Variants in TBCD observed in about 807,000 individuals in gnomAD.
TBCD encodes tubulin folding cofactor D, also known as tubulin-specific chaperone D.
Under a neutral mutation model 169.3 loss-of-function variants are expected in TBCD, and 105 were observed. The observed-to-expected ratio is 0.62, with a 90% CI of 0.53 to 0.73. The LOEUF (loss-of-function observed/expected upper bound fraction) is 0.73, where lower values mean the gene tolerates loss of function less well. Ranked by LOEUF, TBCD falls within the 30% of genes least tolerant of loss-of-function variation. The pLI, the probability that TBCD is intolerant of heterozygous loss-of-function variation, is 0.00. For missense variants in TBCD, 1,444 were observed against 1,600.1 expected (o/e 0.90, Z 1.66); for synonymous variants, 700 against 643.9 (o/e 1.09, Z -1.32).
chr17:82,807,751 C>T, intron 11 of TBCD, 83 bp downstream of exon 11: 1 of 1,154,082 alleles, frequency 8.7e-7, no homozygotes, highest in Non-Finnish European at 1.1e-6. Flanking sequence ...TACCCAACAG[C>T]TTTGGAGTGG....
At chr17:82,766,411 C>T (rs773304733) in intron 4 of TBCD, 43 bp downstream of exon 4, 1 of 1,467,310 alleles carries the variant, frequency 6.8e-7, no homozygotes. Flanking sequence ...CCCTCCGTGC[C>T]TGTCCTTCCT....
Position 82,930,341 on chromosome 17 carries a change from G to A in TBCD, c.2992-181G>A. On this transcript the variant is annotated intron_variant, in intron 32 of 38. Coordinates refer to ENST00000355528, the MANE Select transcript of TBCD (RefSeq NM_005993.5). This position sits in a 1 kb window ranked among gnomAD's most constrained non-coding sequence, Gnocchi z 5.2. Reference sequence around the variant, plus strand: ...GCCGAGAGCCTTGTGTCTGCTTCGGGTGTCTGCACTGTGAGTGGCTCCGTG... The same window carrying A: ...GCCGAGAGCCTTGTGTCTGCTTCGGATGTCTGCACTGTGAGTGGCTCCGTG... 1.3e-6 allele frequency: 1 copy of A among 784,466 alleles called. No individual in the cohort carries two copies. The allele number at this position is 784,466 out of a possible 1,614,324, so 48.6% of individuals were successfully genotyped here.
intron 16 of TBCD, among the ~76,000 whole-genome samples, chr17:82,892,296 C>T (rs1250892983): frequency 1.3e-5 from 2 of 152,072 alleles, no homozygotes; most frequent in Admixed American, 6.5e-5. Context: ...CCCCAGTGGG[C>T]GACATCCCAG....
At chr17:82,873,431 G>A (rs1435088470) in intron 14 of TBCD, among the ~76,000 whole-genome samples, 3 of 152,118 alleles carry the variant, frequency 2.0e-5, no homozygotes, top group African/African-American at 7.2e-5. Flanking sequence ...TCTGTTTTGG[G>A]GGAAAGCTGA....
chr17:82,796,235 T>C (rs2050099523), intron 7 of TBCD: 1 of 152,254 alleles, frequency 6.6e-6, no homozygotes, highest in African/African-American at 2.4e-5. Context: ...AGCTCGCCTG[T>C]GCCCCACGGT....
At chr17:82,776,144 A>G (rs1013368733) in intron 6 of TBCD, among the ~76,000 whole-genome samples, 2 of 152,192 alleles carry the variant, frequency 1.3e-5, no homozygotes, top group Non-Finnish European at 2.9e-5. Flanking sequence ...GCTTGAGCCC[A>G]GGAGGCAGAG....
chr17:82,797,853 A>G (rs2050210054), intron 8 of TBCD, 51 bp downstream of exon 8: 1 of 1,405,510 alleles, frequency 7.1e-7, no homozygotes, highest in Non-Finnish European at 9.7e-7. Flanking sequence ...GTTTGCTCAT[A>G]TACAATCAAG....
At chr17:82,936,871 G>C (rs1351796316) in intron 34 of TBCD, among the ~76,000 whole-genome samples, 1 of 152,242 alleles carries the variant, frequency 6.6e-6, no homozygotes, top group Non-Finnish European at 1.5e-5. Context: ...TGTGTCCTCT[G>C]TGTGTCGGCA....
Position 82,915,546 on chromosome 17 carries a change from G to A in TBCD, c.2038+3757G>A, listed in dbSNP as rs971541782. Among the ~76,000 whole-genome samples, 1 of 152,194 alleles carries A rather than the reference G, an allele frequency of 6.6e-6. No individual in the cohort carries two copies. The highest frequency in any genetic ancestry group is 2.4e-5 in the African/African-American group (1 of 41,442). On this transcript the variant is annotated intron_variant, in intron 23 of 38. Transcript: ENST00000355528. The surrounding 1 kb of genome is among the most constrained non-coding windows in gnomAD (Gnocchi z 4.3). ...CTTTAGAATCAAAGGAAAGAAACAG[G>A]AACTCTGTTTAGTGAAGCAGCGATG... is the stretch of plus-strand genomic sequence containing the variant.
chr17:82,828,160 C>A (rs1447684138), intron 13 of TBCD, among the ~76,000 whole-genome samples: 2 of 145,496 alleles, frequency 1.4e-5, no homozygotes, highest in Non-Finnish European at 3.0e-5. Context: ...CACAGACACA[C>A]ATGCACACCC....
intron 4 of TBCD, 69 bp from the exon 5 acceptor site, chr17:82,768,351 G>C: frequency 6.3e-7 from 1 of 1,587,874 alleles, no homozygotes; most frequent in Non-Finnish European, 8.6e-7. Flanking sequence ...CAGTGACTTT[G>C]AGTAGATTGT....
intron 13 of TBCD, among the ~76,000 whole-genome samples, chr17:82,825,334 G>C (rs936123124): frequency 1.3e-5 from 2 of 152,120 alleles, no homozygotes; most frequent in Non-Finnish European, 2.9e-5. Flanking sequence ...GTGAGGCTTT[G>C]GGTCCTGAGT....
At position 82,884,791 on chromosome 17, in the gene TBCD, A is replaced by G; in HGVS notation, c.1533+589A>G. ...TAGCAACTGCTGCTGCGCTGAGCAG[A>G]CTACTTCATTTGGCTCAGAGCTGGG... On this transcript the variant is annotated intron_variant, in intron 15 of 38. Transcript: ENST00000355528. The surrounding 1 kb of genome is among the most constrained non-coding windows in gnomAD (Gnocchi z 4.2). 1 of 160,574 alleles carries G rather than the reference A, an allele frequency of 6.2e-6. No homozygotes were observed. Among genetic ancestry groups the G allele is most frequent in the Admixed American group, 5.9e-5 (1 of 17,066 alleles). 9.9% of individuals were successfully genotyped at this position (160,574 alleles called of 1,614,324 possible).
chr17:82,860,432 CAG>C, intron 13 of TBCD: 10 of 985,464 alleles, frequency 1.0e-5, no homozygotes, highest in Non-Finnish European at 1.2e-5. Context: ...GGGACAGACA[CAG>C]GTGGAAGGAA....
Position 82,840,957 on chromosome 17 carries a change from T to G in TBCD, c.1318+26023T>G, listed in dbSNP as rs1465566168. On this transcript the variant is annotated intron_variant, in intron 13 of 38. Transcript: ENST00000355528. ...GCTGGCCAGGACAGACAAACTGGTT[T>G]TTTTTTTTTTTTTTTTTTTTTTTTT... 2.1e-4 allele frequency among the ~76,000 whole-genome samples: 7 copies of G among 34,030 alleles called. 1 individual carries two copies. Among genetic ancestry groups the G allele is most frequent in the African/African-American group, 5.9e-4 (6 of 10,232 alleles). The allele number at this position is 34,030 out of a possible 152,430, so 22.3% of individuals were successfully genotyped here.
intron 13 of TBCD, among the ~76,000 whole-genome samples, chr17:82,840,926 G>A (rs967319033): frequency 6.8e-6 from 1 of 146,140 alleles, no homozygotes; most frequent in Non-Finnish European, 1.5e-5. Context: ...TGTGGCATAG[G>A]GACGAGCTGG....
At chr17:82,756,350 G>A in intron 2 of TBCD, 135 bp downstream of exon 2, 1 of 961,988 alleles carries the variant, frequency 1.0e-6, no homozygotes, top group South Asian at 1.4e-5. Context: ...TTGCCTGGCT[G>A]GTTGGTTTTA....
intron 9 of TBCD, among the ~76,000 whole-genome samples, chr17:82,802,325 C>T (rs935830514): frequency 1.4e-4 from 21 of 152,012 alleles, no homozygotes; most frequent in African/African-American, 4.6e-4. Context: ...GGTCAGCTCA[C>T]ACTCCGTCCT....
At chr17:82,895,590 T>C (rs896293710) in intron 17 of TBCD, among the ~76,000 whole-genome samples, 2 of 152,092 alleles carry the variant, frequency 1.3e-5, no homozygotes, top group Non-Finnish European at 2.9e-5. Flanking sequence ...GCTTGAGGGC[T>C]CTTGGGAGAC....
Sources: allele counts gnomAD v4.1 joint callset (sites outside exome capture counted in the v4.1 genomes callset), GRCh38; gene constraint gnomAD v4.1.1; non-coding constraint Gnocchi (gnomAD v3.1); transcripts MANE v1.5; gene names NCBI Gene and HGNC (gene_info 2026-07-23, HGNC 2026-07-21).